GLYR1: variants seen among roughly 807,000 people sequenced by gnomAD.
GLYR1 encodes the protein cytokine-like nuclear factor N-PAC.
GLYR1 carries 21 observed loss-of-function variants against 72.7 expected under a neutral mutation model. That is an observed-to-expected ratio of 0.29 (90% confidence interval 0.20 to 0.42). GLYR1 has a LOEUF of 0.42. GLYR1 is among the 10% of genes least tolerant of loss of function. The pLI, the probability that GLYR1 is intolerant of heterozygous loss-of-function variation, is 1.00. For missense variants in GLYR1, 594 were observed against 712.1 expected (o/e 0.83, Z 1.89); for synonymous variants, 392 against 270.2 (o/e 1.45, Z -4.42).
In GLYR1 at chr16:4,804,828, T is replaced by G. The variant is rs772453064; in HGVS notation, c.*408A>C. 9.3e-6 allele frequency: 2 copies of G among 214,036 alleles called. No individual in the cohort carries two copies. The highest frequency in any genetic ancestry group is 1.9e-5 in the Non-Finnish European group (2 of 102,952). 13.3% of individuals were successfully genotyped at this position (214,036 alleles called of 1,614,324 possible). ...CTGTGGGAAGGCTTCCAACTCTCGTTGCTGATTCTAGTTCCTTGACTGGAA... is the reference window on the plus strand; with the variant it reads ...CTGTGGGAAGGCTTCCAACTCTCGTGGCTGATTCTAGTTCCTTGACTGGAA... On this transcript the variant is annotated 3_prime_UTR_variant, in exon 16 of 16. Transcript: ENST00000321919.
intron 3 of GLYR1, among the ~76,000 whole-genome samples, chr16:4,834,295 CTTTTTTTT>C (rs778256795): frequency 8.4e-6 from 1 of 118,348 alleles, no homozygotes; most frequent in Non-Finnish European, 1.7e-5. Context: ...AGGCAAATTC[CTTTTTTTT>C]TTTTTTTTTT....
rs1428373785 is a variant in GLYR1, at chr16:4,821,610, G to A, written c.682-13C>T. 2 of 1,613,278 alleles carry A rather than the reference G, an allele frequency of 1.2e-6. No homozygotes were observed. The highest frequency in any genetic ancestry group is 1.3e-5 in the African/African-American group (1 of 74,908). ...AACAGACAGCTGGCTAATGAAGGAGGAGGAAAGAGACTACTTGTGCTACTG... is the reference window on the plus strand; with the variant it reads ...AACAGACAGCTGGCTAATGAAGGAGAAGGAAAGAGACTACTTGTGCTACTG... On this transcript the variant is annotated splice_polypyrimidine_tract_variant and intron_variant, in intron 7 of 15. Coordinates refer to ENST00000321919, the MANE Select transcript of GLYR1 (RefSeq NM_032569.4).
chr16:4,811,232 A>G lies in GLYR1; in HGVS notation c.1525T>C (p.Leu509=). 6.2e-7 allele frequency: 1 copy of G among 1,614,224 alleles called. No individual in the cohort carries two copies. Among genetic ancestry groups the G allele is most frequent in the African/African-American group, 1.3e-5 (1 of 75,066 alleles). ...ACCGCATCACCCAGCGCAATGGCTA[A>G]GCGGAGATCCTTCTGAATGTATTTC... is the stretch of plus-strand genomic sequence containing the variant. ...YLKYIQKDLR[L]AIALGDAVNH... Residue 509 remains leucine, a synonymous_variant, in exon 15 of 16, where the codon TTA becomes CTA. Transcript: ENST00000321919.
intron 5 of GLYR1, among the ~76,000 whole-genome samples, chr16:4,827,319 G>A (rs1435847141): frequency 1.3e-5 from 2 of 152,104 alleles, no homozygotes; most frequent in East Asian, 1.9e-4. Context: ...GGGATGTATC[G>A]CATTTAAAAC....
chr16:4,841,457 CAAAAAAAAAAA>C (rs1160441336), intron 3 of GLYR1, among the ~76,000 whole-genome samples: 126 of 31,950 alleles, frequency 3.9e-3, no homozygotes, highest in African/African-American at 0.013. Flanking sequence ...CTTGTCTCTA[CAAAAAAAAAAA>C]AAAAAAAAAA....
chr16:4,845,938 G>GA (rs1649669093), intron 2 of GLYR1, among the ~76,000 whole-genome samples: 1 of 152,092 alleles, frequency 6.6e-6, no homozygotes, highest in Non-Finnish European at 1.5e-5. Flanking sequence ...GGTTAAAAAA[G>GA]AAACTTCATA....
chr16:4,827,210 A>C (rs1324959498), intron 5 of GLYR1, among the ~76,000 whole-genome samples: 1 of 152,264 alleles, frequency 6.6e-6, no homozygotes, highest in African/African-American at 2.4e-5. Context: ...TTGCCCAGTT[A>C]TCAGCCTATG....
chr16:4,845,642 G>C (rs1043845623), intron 2 of GLYR1, among the ~76,000 whole-genome samples: 1 of 152,116 alleles, frequency 6.6e-6, no homozygotes, highest in African/African-American at 2.4e-5. Context: ...ATTGCAAAGA[G>C]ACCATCTAAA....
intron 10 of GLYR1, among the ~76,000 whole-genome samples, chr16:4,815,204 C>G (rs1050197637): frequency 4.6e-5 from 7 of 151,898 alleles, no homozygotes; most frequent in African/African-American, 1.5e-4. Flanking sequence ...CTCCTGGACT[C>G]AAGTGATCCT....
At chr16:4,832,367 G>C (rs759032935) in intron 4 of GLYR1, 146 bp from the exon 5 acceptor site, 43 of 948,584 alleles carry the variant, frequency 4.5e-5, no homozygotes, top group Non-Finnish European at 6.5e-5. Context: ...TGTCGTCCCA[G>C]ACATTGGGAG....
At chr16:4,834,201 T>C (rs911803657) in intron 3 of GLYR1, among the ~76,000 whole-genome samples, 6 of 151,904 alleles carry the variant, frequency 3.9e-5, no homozygotes, top group African/African-American at 1.5e-4. Context: ...CGAACCACTA[T>C]CAGGCATGCC....
At chr16:4,846,658 C>T (rs1459090114) in intron 1 of GLYR1, 2 of 248,868 alleles carry the variant, frequency 8.0e-6, no homozygotes, top group Non-Finnish European at 1.6e-5. Flanking sequence ...TTGTCTGGGA[C>T]ACAGAAGCAG....
chr16:4,829,473 T>C (rs568773382), intron 5 of GLYR1, among the ~76,000 whole-genome samples: 1 of 151,800 alleles, frequency 6.6e-6, no homozygotes, highest in African/African-American at 2.4e-5. Context: ...GCCCAACTAG[T>C]ACTTTTTGTT....
chr16:4,842,239 G>A (rs539565447), intron 3 of GLYR1, among the ~76,000 whole-genome samples: 12 of 142,406 alleles, frequency 8.4e-5, no homozygotes, highest in East Asian at 4.6e-4. Context: ...GCGAGACTCC[G>A]TTTCAAAAAA....
intron 10 of GLYR1, among the ~76,000 whole-genome samples, chr16:4,815,267 AT>A (rs541013163): frequency 5.9e-4 from 85 of 143,036 alleles, no homozygotes; most frequent in East Asian, 1.0e-3. Context: ...CCCATGTGTG[AT>A]TTTTTTTTTT....
At chr16:4,809,834 G>C (rs752575096) in intron 15 of GLYR1, among the ~76,000 whole-genome samples, 1 of 151,974 alleles carries the variant, frequency 6.6e-6, no homozygotes, top group South Asian at 2.1e-4. Context: ...TGAGGCATGA[G>C]AATCGCTTGA....
At chr16:4,831,764 A>G (rs1474576637) in intron 5 of GLYR1, among the ~76,000 whole-genome samples, 1 of 152,224 alleles carries the variant, frequency 6.6e-6, no homozygotes, top group Non-Finnish European at 1.5e-5. Flanking sequence ...TTGAGCTCCA[A>G]GGCTCAAGCC....
intron 3 of GLYR1, among the ~76,000 whole-genome samples, chr16:4,838,690 C>G (rs2085327451): frequency 6.6e-6 from 1 of 151,914 alleles, no homozygotes; most frequent in Non-Finnish European, 1.5e-5. Flanking sequence ...GGGTTCACGC[C>G]ATTCTCCTGC....
At chr16:4,841,457 CAAAAAAA>C (rs1160441336) in intron 3 of GLYR1, among the ~76,000 whole-genome samples, 37 of 31,946 alleles carry the variant, frequency 1.2e-3, no homozygotes, top group South Asian at 3.1e-3. Flanking sequence ...CTTGTCTCTA[CAAAAAAA>C]AAAAAAAAAA....
Sources: allele counts gnomAD v4.1 joint callset (sites outside exome capture counted in the v4.1 genomes callset), GRCh38; gene constraint gnomAD v4.1.1; transcripts MANE v1.5; gene names NCBI Gene and HGNC (gene_info 2026-07-23, HGNC 2026-07-21).